Variants in TBC1D5 observed in about 807,000 individuals in gnomAD.
TBC1D5 encodes TBC1 domain family, member 5.
Under a neutral mutation model 100.3 loss-of-function variants are expected in TBC1D5, and 75 were observed. The ratio of observed to expected loss-of-function variants is 0.75; its 90% CI spans 0.62 to 0.91. The LOEUF is 0.91. Among genes scored for constraint, TBC1D5 ranks in the 40% least tolerant of loss-of-function variants. TBC1D5 has a pLI of 0.00. For missense variants in TBC1D5, 910 were observed against 942.4 expected, an observed-to-expected ratio of 0.97 and a Z score of 0.45; for synonymous variants, 323 against 325.6, an observed-to-expected ratio of 0.99 and a Z score of 0.09.
At chr3:17,607,267 CA>C (rs2153608007) in intron 2 of TBC1D5, among the ~76,000 whole-genome samples, 1 of 113,682 alleles carries the variant, frequency 8.8e-6, no homozygotes, top group African/African-American at 3.9e-5. Flanking sequence ...CTAATGTGTA[CA>C]GCAAAAAAAA....
intron 19 of TBC1D5, 49 bp from the exon 21 acceptor site, chr3:17,167,877 T>C (rs780675401): frequency 2.3e-6 from 3 of 1,313,160 alleles, no homozygotes; most frequent in Non-Finnish European, 3.2e-6. Context: ...GAGCATAACC[T>C]ACCTGCTGCC....
At chr3:17,740,759 G>A (rs2077362094) in exon 1 of TBC1D5, 1 of 152,156 alleles carries the variant, frequency 6.6e-6, no homozygotes, top group South Asian at 2.1e-4. Flanking sequence ...TCCAATAAAA[G>A]AAATTTTCAT....
chr3:17,717,757 T>C (rs1157374265), intron 1 of TBC1D5, among the ~76,000 whole-genome samples: 6 of 152,220 alleles, frequency 3.9e-5, no homozygotes, highest in African/African-American at 1.4e-4. Flanking sequence ...CTTTACTCCT[T>C]TTCAAAACAT....
chr3:17,331,159 T>C (rs2086817257), intron 13 of TBC1D5, among the ~76,000 whole-genome samples: 1 of 152,196 alleles, frequency 6.6e-6, no homozygotes, highest in Non-Finnish European at 1.5e-5. Context: ...GCTACAGCCC[T>C]GAGGACAGAG....
In TBC1D5 at chr3:17,160,912, G is replaced by A. The variant is rs1184350924; in HGVS notation, c.*51C>T. On this transcript the variant is annotated 3_prime_UTR_variant, in exon 22 of 22. Coordinates refer to ENST00000253692, the Ensembl canonical transcript of TBC1D5. ...CTGGATGAGCCTCAGTCTGGCCTTG[G>A]GGCCACTGAAGGGTGGCTAGATCCC... is the stretch of plus-strand genomic sequence containing the variant. 2.5e-6 allele frequency: 4 copies of A among 1,568,956 alleles called. No individual in the cohort carries two copies. The South Asian group carries it at 4.7e-5, about 19-fold the overall frequency.
exon 17 of TBC1D5, chr3:17,238,228 A>G: frequency 6.2e-7 from 1 of 1,613,972 alleles, no homozygotes; most frequent in East Asian, 2.2e-5. Context: ...TTGCTGTTGC[A>G]AGTGATGGCT....
rs181184141 is a variant in TBC1D5, at chr3:17,477,796, A to C, written c.97+30678T>G. On this transcript the variant is annotated intron_variant, in intron 3 of 21. Transcript: ENST00000253692. ...TTGTTTAACAAGTTTAGAAGTATGT[A>C]TACACATTGCTTTCTAGGTTATATT... Among the ~76,000 whole-genome samples, 23 of 152,230 alleles carry C rather than the reference A, an allele frequency of 1.5e-4. No individual in the cohort carries two copies. The East Asian group carries it at 3.7e-3, about 24-fold the overall frequency.
intron 13 of TBC1D5, chr3:17,337,647 C>T (rs901763007): frequency 6.6e-6 from 1 of 152,052 alleles, no homozygotes; most frequent in Non-Finnish European, 1.5e-5. Context: ...CTAATTAAGA[C>T]AAAAGATAAA....
rs1356138409 is a variant in TBC1D5, at chr3:17,556,066, A to AG, written c.-35-47462dup. On this transcript the variant is annotated intron_variant, in intron 2 of 21. Transcript: ENST00000253692. ...GAGACAGGGTCTCGCTCTGTCACCC[A>AG]GGCAGTGGCGCAATCTCAGCTCCCT... is the stretch of plus-strand genomic sequence containing the variant. 2.6e-5 allele frequency among the ~76,000 whole-genome samples: 4 copies of AG among 152,010 alleles called. No homozygotes were observed. In the East Asian group the frequency reaches 7.7e-4, roughly 29 times the overall value.
chr3:17,188,039 C>T (rs1181392562), intron 18 of TBC1D5, among the ~76,000 whole-genome samples: 1 of 152,202 alleles, frequency 6.6e-6, no homozygotes, highest in Non-Finnish European at 1.5e-5. Flanking sequence ...ACTTAGAAGA[C>T]ACGCTTTAGA....
chr3:17,624,364 G>A (rs1334328118), intron 1 of TBC1D5, among the ~76,000 whole-genome samples: 3 of 151,900 alleles, frequency 2.0e-5, no homozygotes, highest in Admixed American at 1.3e-4. Context: ...TTGTCACAAC[G>A]AAGGACAAAG....
At chr3:17,496,602 C>T (rs1017644701) in intron 3 of TBC1D5, among the ~76,000 whole-genome samples, 24 of 152,184 alleles carry the variant, frequency 1.6e-4, no homozygotes, top group African/African-American at 5.8e-4. Context: ...TTAGGGCATC[C>T]TGTTATCTCA....
At chr3:17,385,008 T>C (rs2152256305) in intron 8 of TBC1D5, among the ~76,000 whole-genome samples, 1 of 152,204 alleles carries the variant, frequency 6.6e-6, no homozygotes, top group South Asian at 2.1e-4. Flanking sequence ...GAGTGCATTA[T>C]AATAAAGTGA....
intron 1 of TBC1D5, among the ~76,000 whole-genome samples, chr3:17,670,662 T>C (rs1338645821): frequency 6.6e-6 from 1 of 152,250 alleles, no homozygotes; most frequent in Non-Finnish European, 1.5e-5. Context: ...TGATGTAGTT[T>C]TTAATTAGTC....
At chr3:17,524,576 G>A (rs1374503256) in intron 2 of TBC1D5, 1 of 152,176 alleles carries the variant, frequency 6.6e-6, no homozygotes, top group Non-Finnish European at 1.5e-5. Context: ...CTTGTTCTAT[G>A]TAACATACAT....
intron 1 of TBC1D5, among the ~76,000 whole-genome samples, chr3:17,673,308 TTTC>T (rs1176979558): frequency 3.6e-5 from 4 of 110,622 alleles, no homozygotes; most frequent in East Asian, 6.3e-4. Context: ...TTTCTTTTCT[TTTC>T]TTTTTTTTTT....
intron 13 of TBC1D5, among the ~76,000 whole-genome samples, chr3:17,339,182 AATT>A (rs2088445939): frequency 6.6e-6 from 1 of 152,234 alleles, no homozygotes; most frequent in Non-Finnish European, 1.5e-5. Flanking sequence ...TAATTATTCC[AATT>A]ATCATGGCAC....
intron 1 of TBC1D5, among the ~76,000 whole-genome samples, chr3:17,710,417 A>C (rs1235783169): frequency 6.6e-6 from 1 of 152,016 alleles, no homozygotes; most frequent in Non-Finnish European, 1.5e-5. Context: ...ATACAAAATA[A>C]GCAGGGTATG....
chr3:17,585,448 A>T (rs556935642), intron 2 of TBC1D5, among the ~76,000 whole-genome samples: 1 of 152,192 alleles, frequency 6.6e-6, no homozygotes, highest in Non-Finnish European at 1.5e-5. Context: ...TAAAATTCTG[A>T]GATCTCAGTA....
Sources: gnomAD v4.1 joint callset for allele counts (sites outside exome capture counted in the v4.1 genomes callset) on GRCh38, gnomAD v4.1.1 for gene constraint, MANE v1.5 for transcripts, NCBI Gene and HGNC (gene_info 2026-07-23, HGNC 2026-07-21) for gene names.